The following GSG1 variants were observed in gnomAD, a reference collection of about 807,000 sequenced individuals.
GSG1 encodes germ cell-specific gene 1 protein.
GSG1 carries 28 observed loss-of-function variants against 30.8 expected under a neutral mutation model. That is an observed-to-expected ratio of 0.91 (90% CI 0.67 to 1.25). The LOEUF (loss-of-function observed/expected upper bound fraction) is 1.25, where lower values mean the gene tolerates loss of function less well. Ranked by LOEUF, GSG1 falls within the 50% of genes most tolerant of loss-of-function variation. The pLI is 0.00. For synonymous variants in GSG1, 162 were observed against 178.0 expected (o/e 0.91, Z 0.71); for missense variants, 435 against 444.7 (o/e 0.98, Z 0.20).
At chr12:13,088,126 A>G (rs1399293076) in intron 4 of GSG1, 67 bp from the exon 5 acceptor site, 2 of 1,571,652 alleles carry the variant, frequency 1.3e-6, no homozygotes, top group Non-Finnish European at 1.7e-6. Context: ...AGCGGTGAGC[A>G]TAGGATGCCT....
intron 1 of GSG1, among the ~76,000 whole-genome samples, chr12:13,096,620 T>G (rs1866687420): frequency 6.6e-6 from 1 of 152,126 alleles, no homozygotes; most frequent in Non-Finnish European, 1.5e-5. Flanking sequence ...TGGAATGCCA[T>G]GGCTATTTAC....
intron 1 of GSG1, among the ~76,000 whole-genome samples, chr12:13,100,355 G>A (rs746923547): frequency 1.3e-5 from 2 of 152,174 alleles, no homozygotes; most frequent in African/African-American, 2.4e-5. Flanking sequence ...AGCCTTTCCA[G>A]GCAGATGCAC....
chr12:13,096,331 G>A (rs555371245), intron 1 of GSG1, among the ~76,000 whole-genome samples: 19 of 151,968 alleles, frequency 1.3e-4, no homozygotes, highest in African/African-American at 4.3e-4. Context: ...AAAATTAGCC[G>A]GGCCTGGTGG....
At chr12:13,094,884 G>A (rs948844545) in intron 1 of GSG1, among the ~76,000 whole-genome samples, 1 of 151,938 alleles carries the variant, frequency 6.6e-6, no homozygotes, top group Non-Finnish European at 1.5e-5. Flanking sequence ...ATATATATTT[G>A]CAAGTTATTC....
chr12:13,094,517 C>T (rs772617302), intron 1 of GSG1, among the ~76,000 whole-genome samples: 17 of 152,176 alleles, frequency 1.1e-4, no homozygotes, highest in African/African-American at 4.1e-4. Context: ...ACACTGAAGT[C>T]GCGTGTTGCC....
chr12:13,097,909 G>C (rs1862852385), intron 1 of GSG1, among the ~76,000 whole-genome samples: 1 of 152,124 alleles, frequency 6.6e-6, no homozygotes, highest in Non-Finnish European at 1.5e-5. Context: ...TCAAAGGCAG[G>C]TTCTTCTGAA....
In GSG1 at chr12:13,085,102, C is replaced by G. The variant is rs771719354; in HGVS notation, c.888G>C (p.Gln296His). 1 of 1,614,106 alleles carries G rather than the reference C, an allele frequency of 6.2e-7. No homozygotes were observed. Among genetic ancestry groups the G allele is most frequent in the Non-Finnish European group, 8.5e-7 (1 of 1,180,022 alleles). ...CACTTGACAGCCGCCGAGGGAAACA[C>G]TGATGGTGATGTGGTAGGCAGTTCG... ...ENPNCLPHHH[Q>H]CFPRRLSSAA... is the part of the protein sequence containing the mutation. Residue 296 changes from glutamine to histidine, a missense_variant, in exon 7 of 7, where the codon CAG becomes CAC. Coordinates refer to ENST00000651961, the MANE Select transcript of GSG1 (RefSeq NM_001080555.4).
chr12:13,090,185 T>G (rs1865941641), intron 2 of GSG1, among the ~76,000 whole-genome samples: 1 of 152,276 alleles, frequency 6.6e-6, no homozygotes, highest in Non-Finnish European at 1.5e-5. Flanking sequence ...TCTCATAATG[T>G]GAAAGGTCTA....
Position 13,087,992 on chromosome 12 carries a change from C to A in GSG1, c.549G>T (p.Leu183=). Residue 183 remains leucine (L), a synonymous_variant, in exon 5 of 7, where the codon CTG becomes CTT. Coordinates refer to ENST00000651961, the MANE Select transcript of GSG1 (RefSeq NM_001080555.4). ...YIGLQFISFL[L]LLTDLLLTGN... ...CAGTGAGTAGCAAGTCTGTTAGTAGCAGGAGGAAGCTGATGAATTGAAGTC... is the reference window on the plus strand; with the variant it reads ...CAGTGAGTAGCAAGTCTGTTAGTAGAAGGAGGAAGCTGATGAATTGAAGTC... 6.2e-7 allele frequency: 1 copy of A among 1,614,264 alleles called. No individual in the cohort carries two copies. Among genetic ancestry groups the A allele is most frequent in the Non-Finnish European group, 8.5e-7 (1 of 1,180,046 alleles).
At chr12:13,094,702 C>CTAAA (rs1866501802) in intron 1 of GSG1, among the ~76,000 whole-genome samples, 1 of 152,162 alleles carries the variant, frequency 6.6e-6, no homozygotes, top group African/African-American at 2.4e-5. Context: ...AAAGACTGAC[C>CTAAA]TAAAGACTTA....
intron 1 of GSG1, among the ~76,000 whole-genome samples, chr12:13,094,894 C>T (rs1866526596): frequency 1.3e-5 from 2 of 152,126 alleles, no homozygotes; most frequent in African/African-American, 4.8e-5. Flanking sequence ...GCAAGTTATT[C>T]TCGGGGTTAT....
chr12:13,091,250 G>T (rs1415476117), intron 1 of GSG1, among the ~76,000 whole-genome samples: 1 of 152,174 alleles, frequency 6.6e-6, no homozygotes, highest in African/African-American at 2.4e-5. Flanking sequence ...GTCCAAACTG[G>T]CCCTAAAGAG....
chr12:13,090,649 T>A lies in GSG1; in HGVS notation c.218A>T (p.Asp73Val). Residue 73 changes from aspartate (D) to valine (V), a missense_variant, in exon 2 of 7, where the codon GAC becomes GTC. Coordinates refer to ENST00000651961, the MANE Select transcript of GSG1 (RefSeq NM_001080555.4). ...CEKGLAAKCF[D>V]MPVSLDGDTN... ...ATCTCCATCCAGGGACACTGGCATG[T>A]CAAAGCACTTGGCTGCCAGACCTTT... is the stretch of plus-strand genomic sequence containing the variant. 6.2e-7 allele frequency: 1 copy of A among 1,614,212 alleles called. No homozygotes were observed. The highest frequency in any genetic ancestry group is 8.5e-7 in the Non-Finnish European group (1 of 1,180,040).
At chr12:13,088,221 G>A (rs947220960) in intron 4 of GSG1, among the ~76,000 whole-genome samples, 162 bp from the exon 5 acceptor site, 1 of 152,134 alleles carries the variant, frequency 6.6e-6, no homozygotes, top group African/African-American at 2.4e-5. Context: ...TTCATTTCTA[G>A]TCCTTTGACG....
chr12:13,090,979 G>A (rs1229340206), intron 1 of GSG1, among the ~76,000 whole-genome samples, 161 bp from the exon 2 acceptor site: 2 of 152,142 alleles, frequency 1.3e-5, no homozygotes, highest in African/African-American at 4.8e-5. Flanking sequence ...TCCAGGGGCC[G>A]CATGGAAGCC....
At chr12:13,095,762 C>T in intron 1 of GSG1, 1 of 1,536,024 alleles carries the variant, frequency 6.5e-7, no homozygotes, top group Middle Eastern at 2.3e-4. Flanking sequence ...TGGAGTGCCT[C>T]ATGATTAAAT....
chr12:13,102,880 G>A (rs1420430619), intron 1 of GSG1, among the ~76,000 whole-genome samples: 1 of 152,256 alleles, frequency 6.6e-6, no homozygotes. Context: ...GAGTGTGAGA[G>A]TCTTCCTGGT....
chr12:13,084,722 G>T lies in GSG1; in HGVS notation c.*179C>A. The T allele has an allele frequency of 1.9e-6, 1 of 521,422 alleles. No homozygotes were observed. Among genetic ancestry groups the T allele is most frequent in the Admixed American group, 3.2e-5 (1 of 31,674 alleles). 32.3% of individuals were successfully genotyped at this position (521,422 alleles called of 1,614,324 possible). A position where few individuals can be genotyped will look rare whatever the true frequency, so the allele number is the denominator to read the frequency against. On this transcript the variant is annotated 3_prime_UTR_variant, in exon 7 of 7. Transcript: ENST00000651961. ...GGGTGAAACAAGATGGAGCTGTAGA[G>T]GAAAAGAGAGCAGTGGCACCCAGGA...
At chr12:13,091,856 G>T (rs1447539296) in intron 1 of GSG1, among the ~76,000 whole-genome samples, 1 of 152,146 alleles carries the variant, frequency 6.6e-6, no homozygotes, top group Non-Finnish European at 1.5e-5. Flanking sequence ...GTGAAACTAC[G>T]ATCAAATAAA....
Sources: gnomAD v4.1 joint callset for allele counts (sites outside exome capture counted in the v4.1 genomes callset) on GRCh38, gnomAD v4.1.1 for gene constraint, MANE v1.5 for transcripts, NCBI Gene and HGNC (gene_info 2026-07-23, HGNC 2026-07-21) for gene names.